ITGB3BP: variants seen among roughly 807,000 people sequenced by gnomAD.
The protein encoded by ITGB3BP is centromere protein R.
Under a neutral mutation model 29.1 loss-of-function variants are expected in ITGB3BP, and 27 were observed. That is an observed-to-expected ratio of 0.93 (90% CI 0.68 to 1.28). The LOEUF (loss-of-function observed/expected upper bound fraction) is 1.28. ITGB3BP is among the 50% of genes most tolerant of loss of function. The probability of loss-of-function intolerance (pLI) is 0.00; values close to 1 mark genes in which losing one functional copy is unlikely to be tolerated. For missense variants in ITGB3BP, 192 were observed against 200.2 expected, an observed-to-expected ratio of 0.96 and a Z score of 0.25; for synonymous variants, 61 against 61.4, an observed-to-expected ratio of 0.99 and a Z score of 0.03.
In ITGB3BP at chr1:63,508,535, T is replaced by C; in HGVS notation, c.41A>G (p.Glu14Gly). Residue 14 changes from glutamate (E) to glycine (G), a missense_variant, in exon 2 of 9, where the codon GAA becomes GGA. Coordinates refer to ENST00000271002, the MANE Select transcript of ITGB3BP (RefSeq NM_014288.5). ...TTTTAAGCAAATACTTACATTTTCT[T>C]CTAACAGACCATCCAACTTCAGTGA... Reference protein sequence around the residue: ...KRSLKLDGLLEENSFDPSKIT... With the variant: ...KRSLKLDGLLGENSFDPSKIT... 7.0e-7 allele frequency: 1 copy of C among 1,435,044 alleles called. No homozygotes were observed. Among genetic ancestry groups the C allele is most frequent in the Non-Finnish European group, 9.5e-7 (1 of 1,057,242 alleles). The allele number at this position is 1,435,044 out of a possible 1,614,324, so 88.9% of individuals were successfully genotyped here. A position where few individuals can be genotyped will look rare whatever the true frequency, so the allele number is the denominator to read the frequency against.
chr1:63,513,716 T>A (rs1013353354), intron 1 of ITGB3BP, among the ~76,000 whole-genome samples: 3 of 152,160 alleles, frequency 2.0e-5, no homozygotes, highest in Admixed American at 6.5e-5. Context: ...CAATGCCAAG[T>A]CAAGAAATTT....
At chr1:63,443,121 A>T (rs1207481778) in intron 8 of ITGB3BP, 4 of 152,302 alleles carry the variant, frequency 2.6e-5, no homozygotes, top group Admixed American at 2.6e-4. Flanking sequence ...TAATCACTGA[A>T]GTGTGACAGA....
chr1:63,527,386 T>A (rs1646612519), upstream of ITGB3BP, among the ~76,000 whole-genome samples: 1 of 152,190 alleles, frequency 6.6e-6, no homozygotes, highest in Admixed American at 6.5e-5. Flanking sequence ...AGGAGTAACA[T>A]GAACTAGAGC....
At chr1:63,524,284 A>T (rs563839703), upstream of ITGB3BP, among the ~76,000 whole-genome samples, 1 of 152,212 alleles carries the variant, frequency 6.6e-6, no homozygotes. Flanking sequence ...GCATGCACAC[A>T]TATGTGTTTA....
chr1:63,449,986 G>A (rs2941736), intron 7 of ITGB3BP, among the ~76,000 whole-genome samples: 51,328 of 151,686 alleles, frequency 0.34, 8,906 homozygotes, highest in East Asian at 0.48. Flanking sequence ...TGGGTGGTTA[G>A]AATGAAGAGG....
At chr1:63,508,842 A>G (rs1646136605) in intron 1 of ITGB3BP, among the ~76,000 whole-genome samples, 1 of 151,698 alleles carries the variant, frequency 6.6e-6, no homozygotes, top group Non-Finnish European at 1.5e-5. Flanking sequence ...CTACCGTACA[A>G]TTTAAACATC....
intron 3 of ITGB3BP, among the ~76,000 whole-genome samples, chr1:63,482,001 G>A (rs947262136): frequency 2.0e-5 from 3 of 151,908 alleles, no homozygotes; most frequent in East Asian, 1.9e-4. Context: ...GGCTGGGTGC[G>A]GTGGCTCATG....
intron 2 of ITGB3BP, among the ~76,000 whole-genome samples, chr1:63,492,667 A>G (rs752907803): frequency 6.6e-6 from 1 of 152,184 alleles, no homozygotes; most frequent in Admixed American, 6.5e-5. Flanking sequence ...CCTTCCATTC[A>G]GCAAGGATGA....
intron 3 of ITGB3BP, among the ~76,000 whole-genome samples, chr1:63,483,374 T>G (rs575985079): frequency 2.6e-5 from 4 of 152,276 alleles, no homozygotes; most frequent in African/African-American, 9.6e-5. Context: ...GGCCCACACC[T>G]CAGATTGCTC....
chr1:63,459,759 G>A (rs918338838), intron 4 of ITGB3BP, among the ~76,000 whole-genome samples: 4 of 151,960 alleles, frequency 2.6e-5, no homozygotes, highest in Non-Finnish European at 5.9e-5. Flanking sequence ...CTTGAACCCA[G>A]GTGTGTTTGA....
At chr1:63,525,772 A>G (rs1646578420), upstream of ITGB3BP, 5 of 1,517,686 alleles carry the variant, frequency 3.3e-6, no homozygotes, top group African/African-American at 1.4e-5. Context: ...AAATTTTTAA[A>G]ATTTTTAAAT....
rs560747582 is a variant in ITGB3BP, at chr1:63,515,342, T to G, written c.6-6772A>C. Among the ~76,000 whole-genome samples, 97 of 152,176 alleles carry G rather than the reference T, an allele frequency of 6.4e-4. 1 individual carries two copies. The highest frequency in any genetic ancestry group is 1.9e-4 in the Non-Finnish European group (13 of 68,036). ...TTTCTATTCTATTCTATTTACCTATTTCTCTATATGCCCAAACCACATTGA... is the reference window on the plus strand; with the variant it reads ...TTTCTATTCTATTCTATTTACCTATGTCTCTATATGCCCAAACCACATTGA... On this transcript the variant is annotated intron_variant, in intron 1 of 8. Transcript: ENST00000271002.
At chr1:63,504,054 T>G (rs1274259964) in intron 2 of ITGB3BP, among the ~76,000 whole-genome samples, 14 of 151,810 alleles carry the variant, frequency 9.2e-5, no homozygotes, top group Non-Finnish European at 1.9e-4. Flanking sequence ...GTGAAGAAAG[T>G]CATTGGTAGC....
intron 7 of ITGB3BP, among the ~76,000 whole-genome samples, chr1:63,448,208 T>C (rs1265160738): frequency 4.9e-5 from 7 of 142,350 alleles, no homozygotes; most frequent in African/African-American, 1.0e-4. Context: ...AGGGATAGCA[T>C]TAGGAGATAT....
At chr1:63,468,792 T>TG (rs1402289457) in intron 4 of ITGB3BP, among the ~76,000 whole-genome samples, 3 of 150,836 alleles carry the variant, frequency 2.0e-5, no homozygotes, top group African/African-American at 7.3e-5. Context: ...ACCCAGGAGG[T>TG]GGTGGTTGCA....
chr1:63,479,674 C>T (rs997132305), intron 3 of ITGB3BP, among the ~76,000 whole-genome samples: 2 of 152,110 alleles, frequency 1.3e-5, no homozygotes, highest in Non-Finnish European at 2.9e-5. Context: ...TTAGATCCCA[C>T]TTATAAGTGA....
At chr1:63,505,130 C>T (rs1315946568) in intron 2 of ITGB3BP, among the ~76,000 whole-genome samples, 1 of 151,546 alleles carries the variant, frequency 6.6e-6, no homozygotes, top group African/African-American at 2.4e-5. Context: ...GGCTGTGAAT[C>T]CATCTGGTCC....
chr1:63,513,163 A>C (rs1646238273), intron 1 of ITGB3BP, among the ~76,000 whole-genome samples: 1 of 152,168 alleles, frequency 6.6e-6, no homozygotes, highest in African/African-American at 2.4e-5. Context: ...CAATGTAGTA[A>C]ATAAGAAATC....
chr1:63,487,361 G>A (rs1406930124), intron 3 of ITGB3BP, among the ~76,000 whole-genome samples: 1 of 152,036 alleles, frequency 6.6e-6, no homozygotes, highest in East Asian at 1.9e-4. Context: ...TGGGTTGGAG[G>A]AGGGCAGCAA....
Sources: allele counts gnomAD v4.1 joint callset (sites outside exome capture counted in the v4.1 genomes callset), GRCh38; gene constraint gnomAD v4.1.1; transcripts MANE v1.5; gene names NCBI Gene and HGNC (gene_info 2026-07-23, HGNC 2026-07-21).